Variants in CUL2 observed in about 807,000 individuals in gnomAD.
CUL2 encodes cullin-2.
Under a neutral mutation model 110.2 loss-of-function variants are expected in CUL2, and 22 were observed. That is an observed-to-expected ratio of 0.20 (90% CI 0.14 to 0.28). The LOEUF (loss-of-function observed/expected upper bound fraction) is 0.28, where lower values mean the gene tolerates loss of function less well. CUL2 is among the 10% of genes least tolerant of loss of function. The pLI is 1.00. For synonymous variants in CUL2, 279 were observed against 293.2 expected, an observed-to-expected ratio of 0.95 and a Z score of 0.49; for missense variants, 631 against 905.5, an observed-to-expected ratio of 0.70 and a Z score of 3.89.
Position 35,013,791 on chromosome 10 carries a change from C to A in CUL2, c.1897G>T (p.Asp633Tyr). 2 of 1,493,578 alleles carry A rather than the reference C, an allele frequency of 1.3e-6. No homozygotes were observed. Among genetic ancestry groups the A allele is most frequent in the African/African-American group, 1.4e-5 (1 of 71,838 alleles). The allele number at this position is 1,493,578 out of a possible 1,614,324, so 92.5% of individuals were successfully genotyped here. A position where few individuals can be genotyped will look rare whatever the true frequency, so the allele number is the denominator to read the frequency against. Residue 633 changes from aspartate to tyrosine, a missense_variant, in exon 19 of 21, where the codon GAT becomes TAT. Coordinates refer to ENST00000374749, the MANE Select transcript of CUL2 (RefSeq NM_003591.4). ...INHDSEKEDI[D>Y]AESSFSLNMN... ...TTTAATGAAAACGAAGATTCTGCATCAATATCTTCCTACATTTAAAAATAA... is the reference window on the plus strand; with the variant it reads ...TTTAATGAAAACGAAGATTCTGCATAAATATCTTCCTACATTTAAAAATAA...
rs372498422 is a variant in CUL2, at chr10:35,066,088, T to C, written c.120-3026A>G. Among the ~76,000 whole-genome samples, 23 of 152,322 alleles carry C rather than the reference T, an allele frequency of 1.5e-4. No individual in the cohort carries two copies. The South Asian group carries it at 1.7e-3, about 11-fold the overall frequency. ...ACCAGCAGCAAAGTTACTTATTTTA[T>C]TTCATGTTCTCTATTAAAAGGTGTT... is the stretch of plus-strand genomic sequence containing the variant. On this transcript the variant is annotated intron_variant, in intron 2 of 20. Transcript: ENST00000374749.
At chr10:35,040,733 G>T (rs1423264997) in intron 8 of CUL2, among the ~76,000 whole-genome samples, 1 of 152,136 alleles carries the variant, frequency 6.6e-6, no homozygotes, top group African/African-American at 2.4e-5. Context: ...GACGGAGTGC[G>T]GGCGGCATTG....
At chr10:35,037,235 C>A (rs535467117) in intron 9 of CUL2, among the ~76,000 whole-genome samples, 14 of 152,280 alleles carry the variant, frequency 9.2e-5, no homozygotes, top group African/African-American at 3.4e-4. Context: ...TCATTTTCTT[C>A]TGAAATGGAT....
intron 2 of CUL2, among the ~76,000 whole-genome samples, chr10:35,070,162 CTTGT>C (rs1158959900): frequency 8.5e-5 from 13 of 152,294 alleles, no homozygotes; most frequent in African/African-American, 3.1e-4. Context: ...ATCTGATAGA[CTTGT>C]TTGAGGTATC....
At chr10:35,092,499 C>CT (rs1157134311), upstream of CUL2, among the ~76,000 whole-genome samples, 1 of 152,170 alleles carries the variant, frequency 6.6e-6, no homozygotes, top group Non-Finnish European at 1.5e-5. Flanking sequence ...TTCTAATACT[C>CT]TGTGTGAAGA....
chr10:35,101,649 A>G (rs1349533197), intron 1 of CUL2, among the ~76,000 whole-genome samples: 1 of 152,212 alleles, frequency 6.6e-6, no homozygotes, highest in African/African-American at 2.4e-5. Flanking sequence ...GACCACACAC[A>G]CAAGCACTCG....
At chr10:35,075,552 T>TA (rs1448794910) in intron 1 of CUL2, among the ~76,000 whole-genome samples, 1 of 151,902 alleles carries the variant, frequency 6.6e-6, no homozygotes, top group Non-Finnish European at 1.5e-5. Context: ...CAGTCCCTTT[T>TA]AGTTTCCTTG....
chr10:35,052,393 G>A (rs935851900), intron 5 of CUL2, among the ~76,000 whole-genome samples: 11 of 152,132 alleles, frequency 7.2e-5, no homozygotes, highest in Non-Finnish European at 1.2e-4. Flanking sequence ...GATGTGCTTC[G>A]ACAGAGGCTC....
At chr10:35,092,726 A>C (rs756801647), upstream of CUL2, among the ~76,000 whole-genome samples, 1 of 152,216 alleles carries the variant, frequency 6.6e-6, no homozygotes, top group Non-Finnish European at 1.5e-5. Flanking sequence ...GGCCAACTTA[A>C]TTTGGGGAGG....
intron 1 of CUL2, among the ~76,000 whole-genome samples, chr10:35,071,928 C>T (rs2086691699): frequency 6.6e-6 from 1 of 152,016 alleles, no homozygotes; most frequent in Non-Finnish European, 1.5e-5. Flanking sequence ...ATTTATAGTC[C>T]TCATTTAATA....
intron 3 of CUL2, among the ~76,000 whole-genome samples, chr10:35,062,146 G>C (rs1218936275): frequency 1.3e-5 from 2 of 151,988 alleles, no homozygotes; most frequent in Non-Finnish European, 2.9e-5. Flanking sequence ...AAATTAAGTT[G>C]GAAATGCTGT....
chr10:35,037,294 C>T (rs1282077403), intron 9 of CUL2, among the ~76,000 whole-genome samples: 7 of 152,198 alleles, frequency 4.6e-5, no homozygotes, highest in South Asian at 2.1e-4. Flanking sequence ...TTTTACCTGC[C>T]GCTCTGCAGC....
chr10:35,047,097 C>T (rs1188947633), intron 6 of CUL2, among the ~76,000 whole-genome samples: 1 of 152,096 alleles, frequency 6.6e-6, no homozygotes, highest in African/African-American at 2.4e-5. Context: ...TAACAAGCAG[C>T]TCTATAATAT....
chr10:35,083,146 C>A, intron 1 of CUL2, among the ~76,000 whole-genome samples: 1 of 136,660 alleles, frequency 7.3e-6, no homozygotes, highest in Non-Finnish European at 1.6e-5. Context: ...GAGAGCAAGA[C>A]TCCATCTCAA....
intron 2 of CUL2, among the ~76,000 whole-genome samples, chr10:35,063,668 A>T (rs2086441653): frequency 6.6e-6 from 1 of 152,056 alleles, no homozygotes; most frequent in Admixed American, 6.6e-5. Flanking sequence ...GAAGGAGTGG[A>T]AAGAAGTAAG....
At chr10:35,089,425 G>C (rs772811198) in intron 1 of CUL2, among the ~76,000 whole-genome samples, 1 of 152,182 alleles carries the variant, frequency 6.6e-6, no homozygotes, top group Non-Finnish European at 1.5e-5. Context: ...GGCTTGGCCA[G>C]GTCTAGTTCA....
intron 16 of CUL2, among the ~76,000 whole-genome samples, chr10:35,028,479 GGTAA>G (rs1338857996): frequency 6.6e-6 from 1 of 152,164 alleles, no homozygotes; most frequent in Admixed American, 6.5e-5. Context: ...AAGGAAAACT[GGTAA>G]GTGATATTTT....
At chr10:35,032,918 T>C (rs2085514079) in intron 11 of CUL2, among the ~76,000 whole-genome samples, 1 of 152,204 alleles carries the variant, frequency 6.6e-6, no homozygotes, top group Non-Finnish European at 1.5e-5. Context: ...TATGCATGTC[T>C]ATCCAGAACA....
At chr10:35,030,623 T>C (rs2085456651) in intron 14 of CUL2, among the ~76,000 whole-genome samples, 1 of 152,138 alleles carries the variant, frequency 6.6e-6, no homozygotes, top group Admixed American at 6.5e-5. Flanking sequence ...GCTCAAACAA[T>C]CTACATGCCT....
Sources: gnomAD v4.1 joint callset for allele counts (sites outside exome capture counted in the v4.1 genomes callset) on GRCh38, gnomAD v4.1.1 for gene constraint, MANE v1.5 for transcripts, NCBI Gene and HGNC (gene_info 2026-07-23, HGNC 2026-07-21) for gene names.